The following ZNF638 variants were observed in gnomAD, a reference collection of about 807,000 sequenced individuals.
ZNF638 encodes CTCL tumor antigen se33-1.
In ZNF638, 46 loss-of-function variants were observed where a neutral mutation model predicts 195.6. The observed-to-expected ratio is 0.24, with a 90% CI of 0.19 to 0.30. The LOEUF (loss-of-function observed/expected upper bound fraction) is 0.30, where lower values mean the gene tolerates loss of function less well. Among genes scored for constraint, ZNF638 ranks in the 10% least tolerant of loss-of-function variants. ZNF638 has a pLI of 1.00. For synonymous variants in ZNF638, 845 were observed against 772.0 expected (o/e 1.09, Z -1.57); for missense variants, 2,440 against 2,325.3 (o/e 1.05, Z -1.01).
At chr2:71,332,394 CGTGTTT>C (rs901150328) in intron 1 of ZNF638, among the ~76,000 whole-genome samples, 3 of 152,050 alleles carry the variant, frequency 2.0e-5, no homozygotes, top group Non-Finnish European at 4.4e-5. Flanking sequence ...GAGAGAAGAG[CGTGTTT>C]GTGTTTGGGG....
intron 5 of ZNF638, among the ~76,000 whole-genome samples, chr2:71,364,867 T>G (rs912296970): frequency 2.6e-5 from 4 of 152,236 alleles, no homozygotes; most frequent in Non-Finnish European, 5.9e-5. Context: ...AAGAGTTCTA[T>G]GAGATCTCTT....
intron 6 of ZNF638, 53 bp downstream of exon 6, chr2:71,365,759 C>G: frequency 6.8e-7 from 1 of 1,469,988 alleles, no homozygotes; most frequent in African/African-American, 1.4e-5. Context: ...CTCTGTCATC[C>G]TCGCTGGACT....
intron 10 of ZNF638, chr2:71,395,175 C>A: frequency 1.4e-6 from 1 of 715,102 alleles, no homozygotes; most frequent in Non-Finnish European, 2.6e-6. Context: ...CTGGATAGAC[C>A]CTCACTCCTT....
intron 10 of ZNF638, chr2:71,393,308 A>G (rs1278943204): frequency 3.1e-6 from 2 of 640,804 alleles, no homozygotes; most frequent in South Asian, 3.7e-5. Flanking sequence ...AGTTTTATGG[A>G]AAGATGTAAA....
chr2:71,392,217 CTA>C (rs2079796128), intron 10 of ZNF638, among the ~76,000 whole-genome samples: 1 of 152,202 alleles, frequency 6.6e-6, no homozygotes, highest in South Asian at 2.1e-4. Flanking sequence ...TGCTGGCAGA[CTA>C]TTTCAGTTCT....
intron 10 of ZNF638, among the ~76,000 whole-genome samples, chr2:71,388,014 A>G (rs917853169): frequency 1.3e-5 from 2 of 152,158 alleles, no homozygotes; most frequent in Admixed American, 6.5e-5. Flanking sequence ...ATACAACTAC[A>G]CTTATAATTA....
At chr2:71,359,174 A>G (rs1175938974) in intron 3 of ZNF638, among the ~76,000 whole-genome samples, 3 of 152,198 alleles carry the variant, frequency 2.0e-5, no homozygotes, top group Non-Finnish European at 4.4e-5. Flanking sequence ...GGCTTACACA[A>G]TTATGGAGGC....
At chr2:71,341,382 A>G (rs2078759018) in intron 1 of ZNF638, among the ~76,000 whole-genome samples, 1 of 152,340 alleles carries the variant, frequency 6.6e-6, no homozygotes, top group East Asian at 1.9e-4. Context: ...GAAAAATAGT[A>G]AATTTAGAAA....
intron 1 of ZNF638, among the ~76,000 whole-genome samples, chr2:71,347,494 C>T (rs1482379246): frequency 6.6e-6 from 1 of 152,114 alleles, no homozygotes; most frequent in Non-Finnish European, 1.5e-5. Context: ...TGGCTTGAAC[C>T]AGACAGTGAT....
chr2:71,421,975 G>T (rs1208804719), intron 21 of ZNF638, among the ~76,000 whole-genome samples: 1 of 152,132 alleles, frequency 6.6e-6, no homozygotes, highest in Non-Finnish European at 1.5e-5. Flanking sequence ...GATTTGGGAA[G>T]ACCATGATGA....
chr2:71,363,174 G>A lies in ZNF638; in HGVS notation c.1401G>A (p.Glu467=). The change falls in exon 4 of 28, where the codon GAG becomes GAA. Residue 467 remains glutamate, a synonymous_variant. Transcript: ENST00000264447. ...LRQQYPDWNP[E]ILPSRRNEGN... is the part of the protein sequence containing the mutation. Reference sequence around the variant, plus strand: ...ATAGGTATCCTGATTGGAATCCTGAGATCCTCCCATCGAGAAGGTAATTTT... The same window carrying A: ...ATAGGTATCCTGATTGGAATCCTGAAATCCTCCCATCGAGAAGGTAATTTT... 2 of 1,595,398 alleles carry A rather than the reference G, an allele frequency of 1.3e-6. No individual in the cohort carries two copies. Among genetic ancestry groups the A allele is most frequent in the Admixed American group, 1.7e-5 (1 of 57,666 alleles).
At chr2:71,345,865 G>A (rs1285013743) in intron 1 of ZNF638, among the ~76,000 whole-genome samples, 2 of 152,158 alleles carry the variant, frequency 1.3e-5, no homozygotes, top group Non-Finnish European at 2.9e-5. Context: ...GGCAAGTATG[G>A]TGGCCTTCAA....
intron 10 of ZNF638, among the ~76,000 whole-genome samples, chr2:71,383,762 C>CTTTTTTTTTTTTTTTTTTTT (rs1181570876): frequency 1.2e-4 from 9 of 76,718 alleles, no homozygotes; most frequent in African/African-American, 2.1e-4. Context: ...TTTTCTTTTT[C>CTTTTTTTTTTTTTTTTTTTT]TTTTTTTTTT....
intron 20 of ZNF638, chr2:71,408,631 C>A: frequency 3.1e-6 from 1 of 322,038 alleles, no homozygotes; most frequent in Admixed American, 5.0e-5. Flanking sequence ...TTATTATAAA[C>A]TGTTTTTGTG....
chr2:71,388,656 T>G, intron 10 of ZNF638: 1 of 930,974 alleles, frequency 1.1e-6, no homozygotes, highest in Non-Finnish European at 1.8e-6. Context: ...CTGGTGCCCC[T>G]CGTGAGGAAC....
chr2:71,334,819 G>A (rs1241481715), intron 1 of ZNF638, among the ~76,000 whole-genome samples: 2 of 152,016 alleles, frequency 1.3e-5, no homozygotes, highest in African/African-American at 4.8e-5. Context: ...GACTCGGGAG[G>A]CTGAGGCAGG....
At chr2:71,396,071 T>C (rs2079887360) in intron 10 of ZNF638, 70 bp from the exon 11 acceptor site, 2 of 1,422,568 alleles carry the variant, frequency 1.4e-6, no homozygotes, top group Non-Finnish European at 9.9e-7. Flanking sequence ...TATTGCTAGG[T>C]TGACTTTTAA....
At chr2:71,372,488 ACT>A (rs1456333544) in intron 8 of ZNF638, among the ~76,000 whole-genome samples, 2 of 151,996 alleles carry the variant, frequency 1.3e-5, no homozygotes, top group Non-Finnish European at 2.9e-5. Context: ...AAGTGCACAG[ACT>A]CTGTCCATGT....
Position 71,424,578 on chromosome 2 carries a change from G to GT in ZNF638, c.4525-63dup, listed in dbSNP as rs796802567. ...TGTTTACTGTTTTTTTTTGTTTTTT[G>GT]TTTTTTTTTCCAGAACATTAATAAT... On this transcript the variant is annotated intron_variant, in intron 22 of 27. Transcript: ENST00000264447. The GT allele has an allele frequency of 7.3e-3, 8,776 of 1,199,796 alleles. 14 individuals are homozygous for GT. Among genetic ancestry groups the GT allele is most frequent in the South Asian group, 0.019 (1,286 of 69,208 alleles). The allele number at this position is 1,199,796 out of a possible 1,614,324, so 74.3% of individuals were successfully genotyped here.
Sources: allele counts gnomAD v4.1 joint callset (sites outside exome capture counted in the v4.1 genomes callset), GRCh38; gene constraint gnomAD v4.1.1; transcripts MANE v1.5; gene names NCBI Gene and HGNC (gene_info 2026-07-23, HGNC 2026-07-21).